The following NSD2 variants were observed in gnomAD, a reference collection of about 807,000 sequenced individuals.
NSD2 encodes the protein nuclear receptor binding SET domain protein 2.
A neutral mutation model predicts 139.0 loss-of-function variants in NSD2; 12 were observed. The ratio of observed to expected loss-of-function variants is 0.09; its 90% confidence interval spans 0.06 to 0.14. The LOEUF (loss-of-function observed/expected upper bound fraction) is 0.14. NSD2 is among the 10% of genes least tolerant of loss of function. The probability of loss-of-function intolerance (pLI) is 1.00; values close to 1 mark genes in which losing one functional copy is unlikely to be tolerated. For missense variants in NSD2, 1,155 were observed against 1,745.0 expected (o/e 0.66, Z 6.02); for synonymous variants, 669 against 648.7 (o/e 1.03, Z -0.48).
chr4:1,903,426 A>G (rs1043325342), intron 2 of NSD2, among the ~76,000 whole-genome samples: 1 of 152,138 alleles, frequency 6.6e-6, no homozygotes, highest in African/African-American at 2.4e-5. Flanking sequence ...CTCAAATTAC[A>G]TGTGATGGAG....
chr4:1,960,485 TGA>T (rs1725255718), intron 17 of NSD2, among the ~76,000 whole-genome samples: 2 of 152,196 alleles, frequency 1.3e-5, no homozygotes, highest in Admixed American at 6.5e-5. Flanking sequence ...ATCCAGGGAC[TGA>T]GAGACATGTA....
intron 12 of NSD2, among the ~76,000 whole-genome samples, chr4:1,954,115 G>C (rs552432239): frequency 1.5e-4 from 23 of 152,126 alleles, no homozygotes; most frequent in Admixed American, 1.5e-3. Flanking sequence ...CCCTTCAGTA[G>C]CTGGGATTAC....
chr4:1,941,522 G>GAT, intron 9 of NSD2: 3 of 1,043,502 alleles, frequency 2.9e-6, no homozygotes, highest in Non-Finnish European at 3.5e-6. Flanking sequence ...AGAAGACATA[G>GAT]ATGAAGCATT....
At chr4:1,877,272 G>A (rs575844014) in intron 1 of NSD2, among the ~76,000 whole-genome samples, 4 of 152,192 alleles carry the variant, frequency 2.6e-5, no homozygotes, top group South Asian at 4.1e-4. Context: ...TTCCGACTCC[G>A]GTTTTACTGT....
chr4:1,911,642 A>G (rs1263564794), intron 3 of NSD2, among the ~76,000 whole-genome samples: 2 of 151,384 alleles, frequency 1.3e-5, no homozygotes, highest in African/African-American at 4.8e-5. Context: ...TTGCATAGGA[A>G]GGGAGGATTA....
intron 3 of NSD2, among the ~76,000 whole-genome samples, chr4:1,909,743 C>T (rs376801513): frequency 6.6e-6 from 1 of 151,096 alleles, no homozygotes; most frequent in African/African-American, 2.4e-5. Context: ...CAGGTTCAAG[C>T]GATTCTCCTG....
Position 1,959,533 on chromosome 4 carries a change from C to T in NSD2, c.3048C>T (p.Cys1016=), listed in dbSNP as rs755087337. The T allele has an allele frequency of 6.2e-7, 1 of 1,614,192 alleles. No homozygotes were observed. The highest frequency in any genetic ancestry group is 8.5e-7 in the Non-Finnish European group (1 of 1,180,046). Residue 1016 remains cysteine (C), a synonymous_variant, in exon 17 of 22, where the codon TGC becomes TGT. Coordinates refer to ENST00000508803, the MANE Select transcript of NSD2 (RefSeq NM_001042424.3). ...CGGATATTTCAGAAATCCCTAAGTG[C>T]AACTGCAAGCCCACAGATGAGAATC... ...YTADISEIPK[C]NCKPTDENPC...
chr4:1,896,136 G>C (rs977655491), intron 1 of NSD2, among the ~76,000 whole-genome samples: 3 of 152,248 alleles, frequency 2.0e-5, no homozygotes, highest in African/African-American at 7.2e-5. Context: ...CCAGACAGCA[G>C]CTCCACACTT....
intron 10 of NSD2, among the ~76,000 whole-genome samples, chr4:1,951,581 G>A (rs1724276677): frequency 6.7e-6 from 1 of 150,048 alleles, no homozygotes; most frequent in African/African-American, 2.5e-5. Flanking sequence ...CTGATGACAT[G>A]CACACTGGAC....
intron 7 of NSD2, 63 bp from the exon 8 acceptor site, chr4:1,938,388 C>CTTTTTTTTTTTTTTTTTTTTT: frequency 1.8e-6 from 2 of 1,129,854 alleles, no homozygotes; most frequent in Non-Finnish European, 2.3e-6. Flanking sequence ...TTTTTTTTTC[C>CTTTTTTTTTTTTTTTTTTTTT]TTTTTTTCTT....
intron 9 of NSD2, chr4:1,945,735 G>C: frequency 9.4e-7 from 1 of 1,064,046 alleles, no homozygotes; most frequent in Non-Finnish European, 1.1e-6. Context: ...TGGCAGCAGA[G>C]GCTCCTCTGA....
chr4:1,940,973 CGGATGGTG>C, intron 9 of NSD2: 1 of 1,057,546 alleles, frequency 9.5e-7, no homozygotes, highest in Non-Finnish European at 1.1e-6. Flanking sequence ...GACCTGTTCA[CGGATGGTG>C]GGACTGGGGC....
intron 9 of NSD2, chr4:1,941,712 G>C (rs1055974155): frequency 9.6e-7 from 1 of 1,046,502 alleles, no homozygotes; most frequent in Non-Finnish European, 1.2e-6. Context: ...AAATTACTGG[G>C]TCTTTTCCAT....
chr4:1,976,126 A>AC lies in NSD2; in HGVS notation c.3622-346dup, dbSNP rs1727053283. 6.6e-6 allele frequency among the ~76,000 whole-genome samples: 1 copy of AC among 151,974 alleles called. No homozygotes were observed. The highest frequency in any genetic ancestry group is 2.4e-5 in the African/African-American group (1 of 41,358). On this transcript the variant is annotated intron_variant, in intron 20 of 21. Coordinates refer to ENST00000508803, the MANE Select transcript of NSD2 (RefSeq NM_001042424.3). This position sits in a 1 kb window ranked among gnomAD's most constrained non-coding sequence, Gnocchi z 5.3. ...TCCTGTGGAATTTCCTAATGAGGAG[A>AC]CCCTGGGTGGCGGGCGGGAGCTGTT... is the stretch of plus-strand genomic sequence containing the variant.
intron 6 of NSD2, among the ~76,000 whole-genome samples, chr4:1,933,974 C>G (rs1353246626): frequency 6.6e-6 from 1 of 151,572 alleles, no homozygotes; most frequent in Non-Finnish European, 1.5e-5. Context: ...TGTTGTGTTA[C>G]TACTTAACAT....
rs1248147250 is a variant in NSD2, at chr4:1,942,265, A to C, written c.1881+2487A>C. 1 of 1,588,970 alleles carries C rather than the reference A, an allele frequency of 6.3e-7. No individual in the cohort carries two copies. Among genetic ancestry groups the C allele is most frequent in the African/African-American group, 1.4e-5 (1 of 73,754 alleles). On this transcript the variant is annotated intron_variant, in intron 9 of 21. Transcript: ENST00000508803. The surrounding 1 kb of genome is among the most constrained non-coding windows in gnomAD (Gnocchi z 4.0). ...GCCTGTGAAGGAATTAATGTGATTT[A>C]AGTGTTTTGTAACTTCATTTTTTAT...
chr4:1,901,182 C>T lies in NSD2; in HGVS notation c.528C>T (p.Asp176=). The T allele has an allele frequency of 1.9e-6, 3 of 1,612,480 alleles. No individual in the cohort carries two copies. The highest frequency in any genetic ancestry group is 1.1e-5 in the South Asian group (1 of 90,760). ...RRNRKRSIKY[D]SLLEQGLVEA... Reference sequence around the variant, plus strand: ...ACAGGAAGAGGAGCATAAAATATGACTCCTTGCTGGAGCAGGGCCTTGTCG... The same window carrying T: ...ACAGGAAGAGGAGCATAAAATATGATTCCTTGCTGGAGCAGGGCCTTGTCG... Residue 176 remains aspartate, a synonymous_variant, in exon 2 of 22, where the codon GAC becomes GAT. Transcript: ENST00000508803.
chr4:1,896,661 C>A (rs1442667597), intron 1 of NSD2, among the ~76,000 whole-genome samples: 1 of 151,722 alleles, frequency 6.6e-6, no homozygotes, highest in Non-Finnish European at 1.5e-5. Context: ...ACCACTGTGC[C>A]CGGCCTCCCT....
At chr4:1,885,652 G>A (rs1399076522) in intron 1 of NSD2, among the ~76,000 whole-genome samples, 1 of 151,936 alleles carries the variant, frequency 6.6e-6, no homozygotes, top group Non-Finnish European at 1.5e-5. Context: ...CTTGAGCCTA[G>A]CTGCTCTTCA....
Sources: allele counts gnomAD v4.1 joint callset (sites outside exome capture counted in the v4.1 genomes callset), GRCh38; gene constraint gnomAD v4.1.1; non-coding constraint Gnocchi (gnomAD v3.1); transcripts MANE v1.5; gene names NCBI Gene and HGNC (gene_info 2026-07-23, HGNC 2026-07-21).